The following SLC22A12 variants were observed in gnomAD, a reference collection of about 807,000 sequenced individuals.
The protein encoded by SLC22A12 is organic anion transporter 4-like protein.
In SLC22A12, 56 loss-of-function variants were observed where a neutral mutation model predicts 52.7. The ratio of observed to expected loss-of-function variants is 1.06; its 90% CI spans 0.86 to 1.33. The LOEUF is 1.33. Among genes scored for constraint, SLC22A12 ranks in the 40% most tolerant of loss-of-function variants. The pLI is 0.00. For missense variants in SLC22A12, 683 were observed against 741.5 expected, an observed-to-expected ratio of 0.92 and a Z score of 0.92; for synonymous variants, 337 against 324.6, an observed-to-expected ratio of 1.04 and a Z score of -0.41.
rs776462720 is a variant in SLC22A12 at position 64,601,601 on chromosome 11, T to A, written c.*50T>A. On this transcript the variant is annotated 3_prime_UTR_variant, in exon 10 of 10. Transcript: ENST00000377574. ...CGGTCAGAGGAAGAGACTTCTTCTG[T>A]TCTCTGGAGAAGGCAGGAGGAAAGC... 30 of 1,585,710 alleles carry A rather than the reference T, an allele frequency of 1.9e-5. No individual in the cohort carries two copies. The highest frequency in any genetic ancestry group is 3.4e-5 in the Admixed American group (2 of 59,538).
At chr11:64,601,034 G>A (rs1565142619) in intron 9 of SLC22A12, 96 bp downstream of exon 9, 17 of 1,471,048 alleles carry the variant, frequency 1.2e-5, no homozygotes, top group Middle Eastern at 2.3e-4. Flanking sequence ...TGACAGAGGC[G>A]GAAGCAGAGG....
chr11:64,597,086 A>G (rs2039270682), intron 4 of SLC22A12, among the ~76,000 whole-genome samples: 1 of 152,186 alleles, frequency 6.6e-6, no homozygotes, highest in South Asian at 2.1e-4. Context: ...GGCTTGACGA[A>G]CAACCTGGGG....
intron 4 of SLC22A12, among the ~76,000 whole-genome samples, chr11:64,597,856 A>G (rs982145661): frequency 1.3e-5 from 2 of 152,116 alleles, no homozygotes; most frequent in Non-Finnish European, 2.9e-5. Context: ...GGGTCCTGCC[A>G]CAAGGAGGGG....
At chr11:64,598,456 G>A in intron 4 of SLC22A12, 60 bp from the exon 5 acceptor site, 2 of 1,548,264 alleles carry the variant, frequency 1.3e-6, no homozygotes, top group Non-Finnish European at 1.7e-6. Flanking sequence ...TCTGAGGCTG[G>A]CGCAGGCCAG....
chr11:64,599,594 C>CCCCCCCCCCCCTGTTT, intron 6 of SLC22A12, 82 bp from the exon 7 acceptor site: 2 of 684,092 alleles, frequency 2.9e-6, no homozygotes, highest in Non-Finnish European at 4.3e-6. Flanking sequence ...ACCCTGAGCC[C>CCCCCCCCCCCCTGTTT]CCACCGCCCA....
In SLC22A12 at chr11:64,591,568, T is replaced by G; in HGVS notation, c.12T>G (p.Ser4=). 2.5e-6 allele frequency: 4 copies of G among 1,612,396 alleles called. No individual in the cohort carries two copies. Among genetic ancestry groups the G allele is most frequent in the Non-Finnish European group, 3.4e-6 (4 of 1,180,020 alleles). Residue 4 remains serine, a synonymous_variant, in exon 1 of 10, where the codon TCT becomes TCG. Transcript: ENST00000377574. The part of the protein sequence containing the change: MAF[S]ELLDLVGGLG... ...CTTGAGTAGGTTCCATGGCATTTTC[T>G]GAACTCCTGGACCTCGTGGGTGGCC...
chr11:64,601,087 T>G (rs909275734), intron 9 of SLC22A12, 149 bp downstream of exon 9: 6 of 1,069,184 alleles, frequency 5.6e-6, no homozygotes, highest in Non-Finnish European at 6.9e-6. Flanking sequence ...AGTACATCTC[T>G]GGGAGAGTGG....
intron 6 of SLC22A12, 25 bp from the exon 7 acceptor site, chr11:64,599,651 C>A: frequency 1.3e-6 from 1 of 798,608 alleles, no homozygotes; most frequent in Non-Finnish European, 1.9e-6. Flanking sequence ...CACCCCCACC[C>A]TGACTTCCCT....
rs778023598 is a variant in SLC22A12, at chr11:64,600,354, T to C, written c.1286-13T>C. 6.3e-7 allele frequency: 1 copy of C among 1,589,890 alleles called. No individual in the cohort carries two copies. The highest frequency in any genetic ancestry group is 8.5e-7 in the Non-Finnish European group (1 of 1,169,848). ...CCCCCCACCAAGCTCACTAATCCCA[T>C]CTCTACCCACAGAAATGGGGGCTCT... On this transcript the variant is annotated splice_polypyrimidine_tract_variant and intron_variant, in intron 7 of 9. Coordinates refer to ENST00000377574, the MANE Select transcript of SLC22A12 (RefSeq NM_144585.4).
rs2039459526 is a variant in SLC22A12, at chr11:64,601,677, C to G, written c.*126C>G. ...GAGGCTGCCCTCTGAGGTCCCCACT[C>G]TCCCCCAGGGCTGCCCCTCCAGGTG... On this transcript the variant is annotated 3_prime_UTR_variant, in exon 10 of 10. Coordinates refer to ENST00000377574, the MANE Select transcript of SLC22A12 (RefSeq NM_144585.4). The G allele has an allele frequency of 9.4e-7, 1 of 1,066,488 alleles. No individual in the cohort carries two copies. The highest frequency in any genetic ancestry group is 2.6e-5 in the East Asian group (1 of 38,128). 66.1% of individuals were successfully genotyped at this position (1,066,488 alleles called of 1,614,324 possible). A position where few individuals can be genotyped will look rare whatever the true frequency, so the allele number is the denominator to read the frequency against.
At position 64,595,053 on chromosome 11, in the gene SLC22A12, T is replaced by A. The variant is rs2039077788; in HGVS notation, c.830+1250T>A. 3.9e-5 allele frequency among the ~76,000 whole-genome samples: 5 copies of A among 127,622 alleles called. No individual in the cohort carries two copies. The South Asian group carries it at 1.5e-3, about 37-fold the overall frequency. 83.7% of individuals were successfully genotyped at this position (127,622 alleles called of 152,430 possible). On this transcript the variant is annotated intron_variant, in intron 4 of 9. Coordinates refer to ENST00000377574, the MANE Select transcript of SLC22A12 (RefSeq NM_144585.4). ...ATAGATGGATGGATGGATGGGTGGATGGATGGATGGATGGATGGATGGATA... is the reference window on the plus strand; with the variant it reads ...ATAGATGGATGGATGGATGGGTGGAAGGATGGATGGATGGATGGATGGATA...
Position 64,599,758 on chromosome 11 carries a change from A to AT in SLC22A12, c.1155dup (p.Gly386TrpfsTer220). 6.2e-7 allele frequency: 1 copy of AT among 1,612,134 alleles called. No homozygotes were observed. Among genetic ancestry groups the AT allele is most frequent in the Non-Finnish European group, 8.5e-7 (1 of 1,179,640 alleles). Reference sequence around the variant, plus strand: ...CAACATCTTCCTGCTCCAAATGTTCATTGGTGTCGTGGACATCCCAGCCAA... The same window carrying AT: ...CAACATCTTCCTGCTCCAAATGTTCATTTGGTGTCGTGGACATCCCAGCCAA... On this transcript the variant is annotated frameshift_variant, in exon 7 of 10. Transcript: ENST00000377574. LOFTEE classifies it high-confidence loss of function.
chr11:64,598,819 A>G lies in SLC22A12; in HGVS notation c.966A>G (p.Ser322=). 6.2e-7 allele frequency: 1 copy of G among 1,612,546 alleles called. No homozygotes were observed. The highest frequency in any genetic ancestry group is 1.1e-5 in the South Asian group (1 of 91,084). ...QDTLTPEVLL[S]AMREELSMGQ... is the part of the protein sequence containing the mutation. The stretch of plus-strand genomic sequence containing the variant: ...CCCCGCCTCCACAGGTCTTGCTTTC[A>G]GCCATGCGGGAGGAGCTGAGCATGG... The change falls in exon 6 of 10, where the codon TCA becomes TCG. Residue 322 remains serine (S), a synonymous_variant. Coordinates refer to ENST00000377574, the MANE Select transcript of SLC22A12 (RefSeq NM_144585.4).
At chr11:64,596,056 A>AGATG (rs138183019) in intron 4 of SLC22A12, among the ~76,000 whole-genome samples, 2 of 42,854 alleles carry the variant, frequency 4.7e-5, no homozygotes, top group Non-Finnish European at 2.1e-4. Flanking sequence ...TGGAATGGAT[A>AGATG]GATGGATGGA....
intron 4 of SLC22A12, among the ~76,000 whole-genome samples, chr11:64,595,203 GTTTGGAATA>G (rs2039097135): frequency 8.0e-6 from 1 of 125,026 alleles, no homozygotes; most frequent in Non-Finnish European, 1.7e-5. Flanking sequence ...ATGGATGGAT[GTTTGGAATA>G]GATGGATGGA....
At position 64,591,835 on chromosome 11, in the gene SLC22A12, G is replaced by C; in HGVS notation, c.279G>C (p.Gln93His). 6.2e-7 allele frequency: 1 copy of C among 1,612,632 alleles called. No homozygotes were observed. The highest frequency in any genetic ancestry group is 8.5e-7 in the Non-Finnish European group (1 of 1,180,012). The stretch of plus-strand genomic sequence containing the variant: ...CCCACCAGTGCCGCCGCTTCCGCCA[G>C]CCACAGTGGCAGCTCTTGGACCCCA... ...QRPHQCRRFRQPQWQLLDPNA... is the reference protein window; with the variant it reads ...QRPHQCRRFRHPQWQLLDPNA... The change falls in exon 1 of 10, where the codon CAG becomes CAC. Residue 93 changes from glutamine (Q) to histidine (H), a missense_variant. Coordinates refer to ENST00000377574, the MANE Select transcript of SLC22A12 (RefSeq NM_144585.4).
At chr11:64,595,312 TGG>T (rs2039115508) in intron 4 of SLC22A12, among the ~76,000 whole-genome samples, 1 of 112,720 alleles carries the variant, frequency 8.9e-6, no homozygotes, top group African/African-American at 3.7e-5. Flanking sequence ...GATGGATGGA[TGG>T]ATGGATGGAT....
chr11:64,598,489 A>G, intron 4 of SLC22A12, 27 bp from the exon 5 acceptor site: 1 of 1,556,122 alleles, frequency 6.4e-7, no homozygotes, highest in Non-Finnish European at 8.7e-7. Flanking sequence ...ACAGGCAATG[A>G]CCCCTCCCAC....
chr11:64,594,955 T>C (rs200220771), intron 4 of SLC22A12, among the ~76,000 whole-genome samples: 3,646 of 103,738 alleles, frequency 0.035, 676 homozygotes, highest in East Asian at 0.11. Context: ...GATGGATGGA[T>C]GGATGGTTGG....
Sources: allele counts gnomAD v4.1 joint callset (sites outside exome capture counted in the v4.1 genomes callset), GRCh38; gene constraint gnomAD v4.1.1; transcripts MANE v1.5; gene names NCBI Gene and HGNC (gene_info 2026-07-23, HGNC 2026-07-21).